The following ATP6V1F variants were observed in gnomAD, a reference collection of about 807,000 sequenced individuals.
The protein encoded by ATP6V1F is ATPase H+ transporting V1 subunit F.
ATP6V1F carries 4 observed loss-of-function variants against 6.6 expected under a neutral mutation model. The ratio of observed to expected loss-of-function variants is 0.60; its 90% CI spans 0.30 to 1.38. ATP6V1F has a LOEUF of 1.38. ATP6V1F is among the 40% of genes most tolerant of loss of function. The pLI is 0.08. For synonymous variants in ATP6V1F, 68 were observed against 66.9 expected (o/e 1.02, Z -0.08); for missense variants, 136 against 165.5 (o/e 0.82, Z 0.98).
chr7:128,864,845 G>C lies in ATP6V1F; in HGVS notation c.159-532G>C. The C allele has an allele frequency of 8.4e-6, 3 of 358,762 alleles. No individual in the cohort carries two copies. In the South Asian group the frequency reaches 9.3e-5, roughly 11 times the overall value. 22.2% of individuals were successfully genotyped at this position (358,762 alleles called of 1,614,324 possible). ...ATCCGCCACATCCAGCCATTTTTTT[G>C]TGTGTGTATATATAGATAGAGAGAG... On this transcript the variant is annotated intron_variant, in intron 1 of 1. Coordinates refer to ENST00000249289, the MANE Select transcript of ATP6V1F (RefSeq NM_004231.4).
Position 128,865,757 on chromosome 7 carries a change from C to G in ATP6V1F, c.*179C>G. ...GCTCTGCTGGTTAAGGAACAGGAAG[C>G]CTGACCATCTCCCTCCACTACCTCT... On this transcript the variant is annotated 3_prime_UTR_variant, in exon 2 of 2. Coordinates refer to ENST00000249289, the MANE Select transcript of ATP6V1F (RefSeq NM_004231.4). The surrounding 1 kb of genome is among the most constrained non-coding windows in gnomAD (Gnocchi z 4.4). The G allele has an allele frequency of 1.6e-6, 1 of 629,888 alleles. No homozygotes were observed. Among genetic ancestry groups the G allele is most frequent in the South Asian group, 2.0e-5 (1 of 50,340 alleles). The allele number at this position is 629,888 out of a possible 1,614,324, so 39.0% of individuals were successfully genotyped here.
chr7:128,865,110 T>C lies in ATP6V1F; in HGVS notation c.159-267T>C, dbSNP rs1399321463. 8 of 1,535,232 alleles carry C rather than the reference T, an allele frequency of 5.2e-6. No individual in the cohort carries two copies. Among genetic ancestry groups the C allele is most frequent in the African/African-American group, 1.4e-5 (1 of 73,144 alleles). ...CACCAGTGTGCACCCTAATCAATCT[T>C]CATTACCAGTTCACTTGGAAGCCTT... is the stretch of plus-strand genomic sequence containing the variant. On this transcript the variant is annotated intron_variant, in intron 1 of 1. Coordinates refer to ENST00000249289, the MANE Select transcript of ATP6V1F (RefSeq NM_004231.4). This position sits in a 1 kb window ranked among gnomAD's most constrained non-coding sequence, Gnocchi z 4.4.
intron 1 of ATP6V1F, chr7:128,864,853 A>T: frequency 7.3e-6 from 3 of 413,016 alleles, no homozygotes; most frequent in Non-Finnish European, 1.4e-5. Flanking sequence ...TTGTGTGTGT[A>T]TATATAGATA....
intron 1 of ATP6V1F, among the ~76,000 whole-genome samples, 188 bp downstream of exon 1, chr7:128,863,250 G>A (rs1375143572): frequency 6.6e-6 from 1 of 152,106 alleles, no homozygotes; most frequent in Non-Finnish European, 1.5e-5. Flanking sequence ...TCAGGTCCAC[G>A]AGCCCCCCCA....
Position 128,863,070 on chromosome 7 carries a change from A to G in ATP6V1F, c.158+8A>G, listed in dbSNP as rs748909109. The stretch of plus-strand genomic sequence containing the variant: ...GATCGAAGACACTTTCCGGTACGGT[A>G]CCGCGCGAGGCCTGAACGGGCCCTT... On this transcript the variant is annotated splice_region_variant and intron_variant, in intron 1 of 1. Transcript: ENST00000249289. The G allele has an allele frequency of 1.6e-5, 25 of 1,607,040 alleles. No homozygotes were observed. In the South Asian group the frequency reaches 2.7e-4, roughly 17 times the overall value.
chr7:128,863,178 T>G, intron 1 of ATP6V1F, 116 bp downstream of exon 1: 2 of 1,349,754 alleles, frequency 1.5e-6, no homozygotes, highest in Non-Finnish European at 1.0e-6. Context: ...CTTCCGCCCT[T>G]CCGGAGCGGA....
At chr7:128,863,373 T>C (rs1461234849) in intron 1 of ATP6V1F, among the ~76,000 whole-genome samples, 1 of 152,152 alleles carries the variant, frequency 6.6e-6, no homozygotes, top group East Asian at 1.9e-4. Context: ...CATCGTCCCG[T>C]AAGGCAGGGA....
At position 128,865,296 on chromosome 7, in the gene ATP6V1F, C is replaced by A; in HGVS notation, c.159-81C>A. ...CATTCCCCTCCACAGCCCAGCCCAA[C>A]AACTCGGAGAGGGCTGCCTGGGTAG... On this transcript the variant is annotated intron_variant, in intron 1 of 1. Coordinates refer to ENST00000249289, the MANE Select transcript of ATP6V1F (RefSeq NM_004231.4). The surrounding 1 kb of genome is among the most constrained non-coding windows in gnomAD (Gnocchi z 4.4). The A allele has an allele frequency of 6.3e-7, 1 of 1,591,564 alleles. No homozygotes were observed. Among genetic ancestry groups the A allele is most frequent in the Non-Finnish European group, 8.6e-7 (1 of 1,164,656 alleles).
intron 1 of ATP6V1F, chr7:128,864,879 AGAGAGG>A (rs1399701400): frequency 4.0e-6 from 2 of 496,510 alleles, no homozygotes; most frequent in Admixed American, 6.6e-5. Flanking sequence ...AGAGAGAGAG[AGAGAGG>A]GAGATGGGGG....
intron 1 of ATP6V1F, 105 bp downstream of exon 1, chr7:128,863,167 C>T: frequency 2.8e-6 from 4 of 1,405,922 alleles, no homozygotes; most frequent in Non-Finnish European, 3.9e-6. Context: ...TCCTGAAAGT[C>T]CTTCCGCCCT....
At position 128,865,662 on chromosome 7, in the gene ATP6V1F, T is replaced by C; in HGVS notation, c.*84T>C. ...ATCAGCCTTCTTTACTTTTTGAGCC[T>C]CTGATTTCCAATTCCCTGCTCCTTC... On this transcript the variant is annotated 3_prime_UTR_variant, in exon 2 of 2. Coordinates refer to ENST00000249289, the MANE Select transcript of ATP6V1F (RefSeq NM_004231.4). The surrounding 1 kb of genome is among the most constrained non-coding windows in gnomAD (Gnocchi z 4.4). 1 of 1,399,602 alleles carries C rather than the reference T, an allele frequency of 7.1e-7. No homozygotes were observed. Among genetic ancestry groups the C allele is most frequent in the East Asian group, 2.5e-5 (1 of 40,224 alleles). 86.7% of individuals were successfully genotyped at this position (1,399,602 alleles called of 1,614,324 possible). A position where few individuals can be genotyped will look rare whatever the true frequency, so the allele number is the denominator to read the frequency against.
intron 1 of ATP6V1F, chr7:128,864,879 A>G: frequency 2.0e-6 from 1 of 496,506 alleles, no homozygotes; most frequent in Non-Finnish European, 3.7e-6. Flanking sequence ...AGAGAGAGAG[A>G]GAGAGGGAGA....
chr7:128,865,564 G>A lies in ATP6V1F; in HGVS notation c.346G>A (p.Glu116Lys), dbSNP rs750400716. ...CAGGGCCAGGGGCATGTTCACTGCC[G>A]AAGACCTGCGCTAGGGGACTCCTCA... ...LRRARGMFTA[E>K]DLR is the part of the protein sequence containing the mutation. The change falls in exon 2 of 2, where the codon GAA becomes AAA. Residue 116 changes from glutamate (E) to lysine (K), a missense_variant. Transcript: ENST00000249289. The surrounding 1 kb of genome is among the most constrained non-coding windows in gnomAD (Gnocchi z 4.4). 4 of 1,613,760 alleles carry A rather than the reference G, an allele frequency of 2.5e-6. No individual in the cohort carries two copies. The highest frequency in any genetic ancestry group is 2.5e-6 in the Non-Finnish European group (3 of 1,179,924).
chr7:128,862,910 G>A lies in ATP6V1F; in HGVS notation c.6G>A (p.Ala2=), dbSNP rs948958405. Residue 2 remains alanine (A), a synonymous_variant, in exon 1 of 2, where the codon GCG becomes GCA. Coordinates refer to ENST00000249289, the MANE Select transcript of ATP6V1F (RefSeq NM_004231.4). The part of the protein sequence containing the change: M[A]GRGKLIAVIG... ...AGCTCTGCCCGGCTGCAGGGATGGC[G>A]GGGAGGGGTAAGCTCATCGCAGTGA... 1.3e-6 allele frequency: 2 copies of A among 1,598,608 alleles called. No individual in the cohort carries two copies. The highest frequency in any genetic ancestry group is 1.7e-6 in the Non-Finnish European group (2 of 1,172,554).
At chr7:128,864,003 G>A in intron 1 of ATP6V1F, among the ~76,000 whole-genome samples, 1 of 152,210 alleles carries the variant, frequency 6.6e-6, no homozygotes, top group East Asian at 1.9e-4. Flanking sequence ...ATCTAACCCA[G>A]TGACTGGCAG....
intron 1 of ATP6V1F, among the ~76,000 whole-genome samples, chr7:128,863,279 C>A (rs900731281): frequency 2.0e-5 from 3 of 152,128 alleles, no homozygotes; most frequent in Admixed American, 2.0e-4. Context: ...GATCGTGTGT[C>A]ATGAAAGAAG....
chr7:128,865,365 C>A lies in ATP6V1F; in HGVS notation c.159-12C>A. The A allele has an allele frequency of 6.2e-7, 1 of 1,613,926 alleles. No homozygotes were observed. The highest frequency in any genetic ancestry group is 8.5e-7 in the Non-Finnish European group (1 of 1,179,930). Reference sequence around the variant, plus strand: ...GAGCTGTCCTGGACTCCCTTCTCATCTCTCCCCACAGGCAATTTCTAAACC... The same window carrying A: ...GAGCTGTCCTGGACTCCCTTCTCATATCTCCCCACAGGCAATTTCTAAACC... On this transcript the variant is annotated splice_polypyrimidine_tract_variant and intron_variant, in intron 1 of 1. Transcript: ENST00000249289. This position sits in a 1 kb window ranked among gnomAD's most constrained non-coding sequence, Gnocchi z 4.4.
rs15498 is a variant in ATP6V1F at position 128,865,784 on chromosome 7, C to T, written c.*206C>T. The T allele has an allele frequency of 0.044, 26,402 of 598,224 alleles. 2,884 individuals carry two copies. The highest frequency in any genetic ancestry group is 0.31 in the African/African-American group (16,534 of 53,872). 37.1% of individuals were successfully genotyped at this position (598,224 alleles called of 1,614,324 possible). Reference sequence around the variant, plus strand: ...TGACCATCTCCCTCCACTACCTCTTCCCTGTGCTGTTACACAGTGTCATTG... The same window carrying T: ...TGACCATCTCCCTCCACTACCTCTTTCCTGTGCTGTTACACAGTGTCATTG... On this transcript the variant is annotated 3_prime_UTR_variant, in exon 2 of 2. Transcript: ENST00000249289. The surrounding 1 kb of genome is among the most constrained non-coding windows in gnomAD (Gnocchi z 4.4).
chr7:128,862,890 T>C lies in ATP6V1F; in HGVS notation c.-15T>C, dbSNP rs774760810. The C allele has an allele frequency of 6.3e-7, 1 of 1,579,782 alleles. No individual in the cohort carries two copies. The highest frequency in any genetic ancestry group is 8.6e-7 in the Non-Finnish European group (1 of 1,163,870). On this transcript the variant is annotated 5_prime_UTR_variant, in exon 1 of 2. Transcript: ENST00000249289. The stretch of plus-strand genomic sequence containing the variant: ...GCTTCTGGTGCTCTAGGGTGAGCTC[T>C]GCCCGGCTGCAGGGATGGCGGGGAG...
Sources: allele counts gnomAD v4.1 joint callset (sites outside exome capture counted in the v4.1 genomes callset), GRCh38; gene constraint gnomAD v4.1.1; non-coding constraint Gnocchi (gnomAD v3.1); transcripts MANE v1.5; gene names NCBI Gene and HGNC (gene_info 2026-07-23, HGNC 2026-07-21).